The following ADNP2 variants were observed in gnomAD, a reference collection of about 807,000 sequenced individuals.
ADNP2 encodes the protein ADNP homeobox 2.
A neutral mutation model predicts 16.4 loss-of-function variants in ADNP2; 8 were observed. The observed-to-expected ratio is 0.49, with a 90% CI of 0.29 to 0.88. The LOEUF (loss-of-function observed/expected upper bound fraction) is 0.88, where lower values mean the gene tolerates loss of function less well. ADNP2 is among the 40% of genes least tolerant of loss of function. The probability of loss-of-function intolerance (pLI) is 0.09; values close to 1 mark genes in which losing one functional copy is unlikely to be tolerated. For missense variants in ADNP2, 1,397 were observed against 1,395.1 expected, an observed-to-expected ratio of 1.00 and a Z score of -0.02; for synonymous variants, 637 against 545.8, an observed-to-expected ratio of 1.17 and a Z score of -2.33.
intron 1 of ADNP2, among the ~76,000 whole-genome samples, chr18:80,113,966 G>C (rs1159267276): frequency 6.6e-6 from 1 of 152,072 alleles, no homozygotes; most frequent in Non-Finnish European, 1.5e-5. Flanking sequence ...TGACGGGGAG[G>C]ATTGCTTGAG....
At position 80,137,339 on chromosome 18, in the gene ADNP2, G is replaced by T. The variant is rs758486870; in HGVS notation, c.1926G>T (p.Gln642His). 1.9e-6 allele frequency: 3 copies of T among 1,613,960 alleles called. No individual in the cohort carries two copies. The Admixed American group carries it at 5.0e-5, about 27-fold the overall frequency. Residue 642 changes from glutamine (Q) to histidine (H), a missense_variant, in exon 4 of 4, where the codon CAG becomes CAT. Coordinates refer to ENST00000262198, the MANE Select transcript of ADNP2 (RefSeq NM_014913.4). This position sits in a 1 kb window ranked among gnomAD's most constrained non-coding sequence, Gnocchi z 4.2. The stretch of plus-strand genomic sequence containing the variant: ...TCGCTCCGCCCCAGATGCCCATCCA[G>T]CTCCTGCCGTCAGGTGCAGCTGCAC... ...ATVAPPQMPI[Q>H]LLPSGAAAPM...
chr18:80,134,426 AGT>A (rs1237158191), intron 3 of ADNP2, among the ~76,000 whole-genome samples: 10 of 150,860 alleles, frequency 6.6e-5, no homozygotes, highest in African/African-American at 2.4e-4. Flanking sequence ...TGTGAGAGAG[AGT>A]GATAATGAGC....
rs564418835 is a variant in ADNP2 at position 80,136,889 on chromosome 18, A to T, written c.1476A>T (p.Thr492=). The change falls in exon 4 of 4, where the codon ACA becomes ACT. Residue 492 remains threonine, a synonymous_variant. Transcript: ENST00000262198. ...CAGGAGTTCTCCCTGTGGGCCAGAC[A>T]GCTCCGTCACGGGTTCTTCCCCCAG... is the stretch of plus-strand genomic sequence containing the variant. The part of the protein sequence containing the change: ...VQSGVLPVGQ[T]APSRVLPPGQ... The T allele has an allele frequency of 8.1e-6, 13 of 1,613,968 alleles. No individual in the cohort carries two copies. In the African/African-American group the frequency reaches 1.6e-4, roughly 20 times the overall value.
chr18:80,129,296 G>T (rs1157449015), intron 2 of ADNP2, among the ~76,000 whole-genome samples: 1 of 151,866 alleles, frequency 6.6e-6, no homozygotes, highest in Non-Finnish European at 1.5e-5. Context: ...TAGAGATGGG[G>T]TTTCACCATG....
chr18:80,133,048 T>G, intron 2 of ADNP2, 55 bp from the exon 3 acceptor site: 1 of 1,257,086 alleles, frequency 8.0e-7, no homozygotes, highest in Non-Finnish European at 1.1e-6. Context: ...TCTAATTAAA[T>G]ATTTCTTTAT....
In ADNP2 at chr18:80,139,634, A is replaced by G. The variant is rs1212550860; in HGVS notation, c.*825A>G. The G allele has an allele frequency of 2.6e-5, 4 of 152,628 alleles. No individual in the cohort carries two copies. In the East Asian group the frequency reaches 7.7e-4, roughly 29 times the overall value. 9.5% of individuals were successfully genotyped at this position (152,628 alleles called of 1,614,324 possible). A position where few individuals can be genotyped will look rare whatever the true frequency, so the allele number is the denominator to read the frequency against. ...TAAATTTTTAGTGCCTTTAGAATAAACATTGAAAGAATACACCCCAAAACT... is the reference window on the plus strand; with the variant it reads ...TAAATTTTTAGTGCCTTTAGAATAAGCATTGAAAGAATACACCCCAAAACT... On this transcript the variant is annotated 3_prime_UTR_variant, in exon 4 of 4. Coordinates refer to ENST00000262198, the MANE Select transcript of ADNP2 (RefSeq NM_014913.4).
chr18:80,123,616 G>T (rs188572718), intron 2 of ADNP2, among the ~76,000 whole-genome samples: 15 of 151,974 alleles, frequency 9.9e-5, no homozygotes, highest in African/African-American at 3.6e-4. Flanking sequence ...TGATCTGCCC[G>T]CCTCGGCCTC....
chr18:80,133,991 C>T (rs1345375677), intron 3 of ADNP2, among the ~76,000 whole-genome samples: 1 of 152,048 alleles, frequency 6.6e-6, no homozygotes, highest in African/African-American at 2.4e-5. Flanking sequence ...TGCCACCATG[C>T]CCAGATAAGC....
In ADNP2 at chr18:80,137,103, G is replaced by T. The variant is rs2052544375; in HGVS notation, c.1690G>T (p.Val564Phe). 6.2e-7 allele frequency: 1 copy of T among 1,614,200 alleles called. No individual in the cohort carries two copies. Among genetic ancestry groups the T allele is most frequent in the Non-Finnish European group, 8.5e-7 (1 of 1,180,036 alleles). The change falls in exon 4 of 4, where the codon GTC becomes TTC. Residue 564 changes from valine (V) to phenylalanine (F), a missense_variant. This residue lies in a region of ADNP2 where 777 missense variants were observed against 719.4 expected (regional missense o/e 1.08). Transcript: ENST00000262198. This position sits in a 1 kb window ranked among gnomAD's most constrained non-coding sequence, Gnocchi z 4.2. ...LPVGQPVRPGVLQLNQTVGTN... is the reference protein window; with the variant it reads ...LPVGQPVRPGFLQLNQTVGTN... ...TGTGGGCCAGCCAGTGAGGCCTGGG[G>T]TCTTGCAACTCAACCAGACTGTGGG...
intron 2 of ADNP2, among the ~76,000 whole-genome samples, chr18:80,122,620 G>C (rs2052431954): frequency 2.0e-5 from 3 of 152,176 alleles, no homozygotes; most frequent in Admixed American, 2.0e-4. Context: ...TTCCTGTTCA[G>C]ATTTTTCAGT....
chr18:80,137,652 G>A lies in ADNP2; in HGVS notation c.2239G>A (p.Val747Met). 1.9e-6 allele frequency: 3 copies of A among 1,614,206 alleles called. No homozygotes were observed. The highest frequency in any genetic ancestry group is 2.5e-6 in the Non-Finnish European group (3 of 1,180,028). The change falls in exon 4 of 4, where the codon GTG (valine) becomes ATG (methionine). Residue 747 changes from valine (V) to methionine (M), a missense_variant. Transcript: ENST00000262198. The surrounding 1 kb of genome is among the most constrained non-coding windows in gnomAD (Gnocchi z 4.2). ...PFLKWMREKTVRCLSCKCLVS... is the reference protein window; with the variant it reads ...PFLKWMREKTMRCLSCKCLVS... ...TCTAAAGTGGATGAGAGAGAAAACG[G>A]TGCGATGTCTGTCTTGTAAGTGCTT...
At chr18:80,120,733 C>A (rs2052419120) in intron 2 of ADNP2, among the ~76,000 whole-genome samples, 1 of 152,124 alleles carries the variant, frequency 6.6e-6, no homozygotes, top group African/African-American at 2.4e-5. Flanking sequence ...TGACTCACTG[C>A]AACCTCCGAC....
At chr18:80,114,197 A>G (rs1201751992) in intron 1 of ADNP2, among the ~76,000 whole-genome samples, 1 of 151,870 alleles carries the variant, frequency 6.6e-6, no homozygotes, top group Admixed American at 6.6e-5. Context: ...TGTCTCAAAA[A>G]AAAAAAAAGA....
rs751434022 is a variant in ADNP2, at chr18:80,117,681, T to C, written c.108+31T>C. The stretch of plus-strand genomic sequence containing the variant: ...AGGACGTAAGTAGCCAACTGGAATC[T>C]GGAGGTGAGATTTGAACTCGGGTTT... On this transcript the variant is annotated intron_variant, in intron 2 of 3. Transcript: ENST00000262198. 20 of 1,543,284 alleles carry C rather than the reference T, an allele frequency of 1.3e-5. No homozygotes were observed. In the Admixed American group the frequency reaches 3.9e-4, roughly 30 times the overall value.
At chr18:80,125,653 T>TA (rs1283550005) in intron 2 of ADNP2, among the ~76,000 whole-genome samples, 26 of 149,040 alleles carry the variant, frequency 1.7e-4, no homozygotes, top group African/African-American at 4.5e-4. Flanking sequence ...AAAAAAAAAA[T>TA]AAAAAAAAAT....
Position 80,138,061 on chromosome 18 carries a change from C to T in ADNP2, c.2648C>T (p.Pro883Leu), listed in dbSNP as rs746248622. The stretch of plus-strand genomic sequence containing the variant: ...TCCACCTGCCCCTTTTGCTTTGGCC[C>T]CTTTGTGACAACTGAGGCCTATGAG... ...RVSTCPFCFG[P>L]FVTTEAYELH... The change falls in exon 4 of 4, where the codon CCC becomes CTC. Residue 883 changes from proline to leucine, a missense_variant. Transcript: ENST00000262198. 3.0e-5 allele frequency: 49 copies of T among 1,613,664 alleles called. No homozygotes were observed. Among genetic ancestry groups the T allele is most frequent in the Non-Finnish European group, 2.3e-5 (27 of 1,180,040 alleles).
At chr18:80,124,567 A>AGTC (rs2145201139) in intron 2 of ADNP2, among the ~76,000 whole-genome samples, 1 of 152,274 alleles carries the variant, frequency 6.6e-6, no homozygotes, top group African/African-American at 2.4e-5. Flanking sequence ...AACCTCCATG[A>AGTC]GTCCATCTAT....
chr18:80,127,631 T>C (rs529167078), intron 2 of ADNP2, among the ~76,000 whole-genome samples: 5 of 152,082 alleles, frequency 3.3e-5, no homozygotes, highest in Non-Finnish European at 7.4e-5. Flanking sequence ...TGACTGGCAG[T>C]TTTTGACTAC....
At chr18:80,133,515 C>T (rs113557519) in intron 3 of ADNP2, among the ~76,000 whole-genome samples, 1,978 of 152,298 alleles carry the variant, frequency 0.013, 36 homozygotes, top group African/African-American at 0.044. Context: ...ACATTAAGTG[C>T]ATACAGTGAA....
Sources: allele counts gnomAD v4.1 joint callset (sites outside exome capture counted in the v4.1 genomes callset), GRCh38; gene constraint gnomAD v4.1.1; regional missense constraint gnomAD v4.1.1; non-coding constraint Gnocchi (gnomAD v3.1); transcripts MANE v1.5; gene names NCBI Gene and HGNC (gene_info 2026-07-23, HGNC 2026-07-21).